EXD1: variants seen among roughly 807,000 people sequenced by gnomAD.
The protein encoded by EXD1 is exonuclease 3'-5' domain containing 1, also known as piRNA biogenesis protein EXD1.
EXD1 carries 63 observed loss-of-function variants against 49.1 expected under a neutral mutation model. The ratio of observed to expected loss-of-function variants is 1.28; its 90% CI spans 1.05 to 1.58. The LOEUF (loss-of-function observed/expected upper bound fraction) is 1.58. Ranked by LOEUF, EXD1 falls within the 40% of genes most tolerant of loss-of-function variation. EXD1 has a pLI of 0.00. For missense variants in EXD1, 748 were observed against 666.0 expected, an observed-to-expected ratio of 1.12 and a Z score of -1.36; for synonymous variants, 234 against 239.2, an observed-to-expected ratio of 0.98 and a Z score of 0.20.
intron 1 of EXD1, among the ~76,000 whole-genome samples, chr15:41,228,242 A>T (rs925639709): frequency 4.6e-5 from 7 of 152,190 alleles, no homozygotes; most frequent in African/African-American, 1.7e-4. Context: ...AAATTCAACC[A>T]GTGAATTTTG....
In EXD1 at chr15:41,184,569, C is replaced by T; in HGVS notation, c.1081G>A (p.Glu361Lys). The change falls in exon 12 of 12, where the codon GAA (glutamate) becomes AAA (lysine). Residue 361 changes from glutamate (E) to lysine (K), a missense_variant. Glu to Lys is a moderately conservative substitution (Grantham distance 56). Transcript: ENST00000458580. The stretch of plus-strand genomic sequence containing the variant: ...TGGAAGTCCTTGAGTTGAAGCAGTT[C>T]CTCTGGCAGCTCCATACATGTAGGC... ...TEPTCMELPE[E>K]LLQLKDFQKQ... 2 of 1,600,236 alleles carry T rather than the reference C, an allele frequency of 1.2e-6. No homozygotes were observed. Among genetic ancestry groups the T allele is most frequent in the South Asian group, 1.1e-5 (1 of 87,782 alleles).
chr15:41,205,942 T>C, intron 7 of EXD1, among the ~76,000 whole-genome samples: 1 of 148,978 alleles, frequency 6.7e-6, no homozygotes, highest in East Asian at 2.0e-4. Flanking sequence ...TGCAGGGGCA[T>C]GATCTTGGCT....
intron 2 of EXD1, among the ~76,000 whole-genome samples, chr15:41,224,081 A>G (rs1250066641): frequency 6.6e-6 from 1 of 151,408 alleles, no homozygotes; most frequent in Non-Finnish European, 1.5e-5. Flanking sequence ...CTGGGATTAC[A>G]GGTGCCCGCC....
chr15:41,221,165 T>C (rs1595458783), intron 2 of EXD1, among the ~76,000 whole-genome samples: 1 of 152,182 alleles, frequency 6.6e-6, no homozygotes, highest in East Asian at 1.9e-4. Context: ...ATTATCTCAA[T>C]TATGGAGGAC....
At chr15:41,217,036 C>T in intron 4 of EXD1, 61 bp downstream of exon 4, 1 of 1,468,268 alleles carries the variant, frequency 6.8e-7, no homozygotes, top group Non-Finnish European at 9.4e-7. Context: ...AGAGTTAAGG[C>T]TTTCTACCCT....
chr15:41,214,971 TC>T (rs1365628444), intron 6 of EXD1, among the ~76,000 whole-genome samples: 1 of 152,066 alleles, frequency 6.6e-6, no homozygotes, highest in African/African-American at 2.4e-5. Context: ...GGTCTCAATC[TC>T]CTGACCTCGT....
At chr15:41,198,709 T>A (rs28889391) in intron 7 of EXD1, among the ~76,000 whole-genome samples, 48,223 of 129,944 alleles carry the variant, frequency 0.37, 7,790 homozygotes, top group African/African-American at 0.46. Flanking sequence ...TTAAAAAAAA[T>A]TTTTTTTTTT....
intron 6 of EXD1, among the ~76,000 whole-genome samples, chr15:41,213,629 A>G (rs76357032): frequency 0.16 from 24,579 of 151,372 alleles, 3,699 homozygotes; most frequent in African/African-American, 0.4. Flanking sequence ...CTCCCCAGTA[A>G]CTGGGATTAC....
At chr15:41,186,470 C>CAAA (rs58793050) in intron 11 of EXD1, among the ~76,000 whole-genome samples, 13 of 68,270 alleles carry the variant, frequency 1.9e-4, no homozygotes, top group Admixed American at 1.1e-3. Context: ...GACTCTGTCT[C>CAAA]AAAAAAAAAA....
Position 41,187,715 on chromosome 15 carries a change from T to TA in EXD1, c.1056+2221dup, listed in dbSNP as rs2046436028. ...AATAATAACATATATAGGGTTCATA[T>TA]AAAAAATGCTAGTATTAGGCCGGGT... On this transcript the variant is annotated intron_variant, in intron 11 of 11. Transcript: ENST00000458580. Among the ~76,000 whole-genome samples the TA allele has an allele frequency of 2.0e-5, 3 of 151,920 alleles. No homozygotes were observed. In the South Asian group the frequency reaches 6.3e-4, roughly 32 times the overall value.
intron 2 of EXD1, 88 bp downstream of exon 2, chr15:41,226,355 T>C: frequency 7.9e-7 from 1 of 1,267,766 alleles, no homozygotes. Flanking sequence ...ATAGGAATAA[T>C]GCCACCCTCC....
At chr15:41,224,172 A>G (rs1449857296) in intron 2 of EXD1, among the ~76,000 whole-genome samples, 1 of 152,178 alleles carries the variant, frequency 6.6e-6, no homozygotes, top group African/African-American at 2.4e-5. Context: ...TCCTGACCTC[A>G]GGTGATCCAC....
At chr15:41,223,526 G>A (rs1377791135) in intron 2 of EXD1, among the ~76,000 whole-genome samples, 1 of 151,870 alleles carries the variant, frequency 6.6e-6, no homozygotes, top group Non-Finnish European at 1.5e-5. Flanking sequence ...CTGGAGACAA[G>A]CCCAGGCAAC....
intron 7 of EXD1, among the ~76,000 whole-genome samples, chr15:41,197,769 A>G (rs1595434174): frequency 6.6e-6 from 1 of 151,358 alleles, no homozygotes; most frequent in African/African-American, 2.4e-5. Context: ...GATTACAGGG[A>G]CCCGCCACCA....
chr15:41,207,468 A>T (rs2046850796), intron 7 of EXD1, among the ~76,000 whole-genome samples: 1 of 151,648 alleles, frequency 6.6e-6, no homozygotes, highest in Admixed American at 6.6e-5. Flanking sequence ...TGAACCCGGG[A>T]GGTGGAGGTT....
chr15:41,212,820 C>T (rs1488397801), intron 6 of EXD1, among the ~76,000 whole-genome samples: 1 of 152,194 alleles, frequency 6.6e-6, no homozygotes, highest in Non-Finnish European at 1.5e-5. Flanking sequence ...AGGTGGATTG[C>T]TTGAGCCCAG....
intron 9 of EXD1, among the ~76,000 whole-genome samples, chr15:41,193,197 C>A (rs1355790287): frequency 6.6e-6 from 1 of 152,096 alleles, no homozygotes; most frequent in Non-Finnish European, 1.5e-5. Flanking sequence ...GGATTACAGG[C>A]GTGAGCCACT....
intron 2 of EXD1, among the ~76,000 whole-genome samples, chr15:41,223,278 G>A (rs759870802): frequency 1.3e-5 from 2 of 152,028 alleles, no homozygotes; most frequent in Non-Finnish European, 2.9e-5. Context: ...AAATTAGCTG[G>A]TCTTGGTGGC....
chr15:41,212,245 C>T (rs757297267), intron 6 of EXD1, among the ~76,000 whole-genome samples: 2 of 151,560 alleles, frequency 1.3e-5, no homozygotes, highest in Non-Finnish European at 2.9e-5. Context: ...GTAAGGAGAT[C>T]GAGAACACCC....
Sources: gnomAD v4.1 joint callset for allele counts (sites outside exome capture counted in the v4.1 genomes callset) on GRCh38, gnomAD v4.1.1 for gene constraint, MANE v1.5 for transcripts, NCBI Gene and HGNC (gene_info 2026-07-23, HGNC 2026-07-21) for gene names.